The following PLPPR4 variants were observed in gnomAD, a reference collection of about 807,000 sequenced individuals.
PLPPR4 encodes phospholipid phosphatase-related protein type 4.
A neutral mutation model predicts 56.6 loss-of-function variants in PLPPR4; 24 were observed. That is an observed-to-expected ratio of 0.42 (90% confidence interval 0.31 to 0.60). The LOEUF (loss-of-function observed/expected upper bound fraction) is 0.60, where lower values mean the gene tolerates loss of function less well. Ranked by LOEUF, PLPPR4 falls within the 20% of genes least tolerant of loss-of-function variation. The probability of loss-of-function intolerance (pLI) is 0.13; values close to 1 mark genes in which losing one functional copy is unlikely to be tolerated. For synonymous variants in PLPPR4, 326 were observed against 328.1 expected, an observed-to-expected ratio of 0.99 and a Z score of 0.07; for missense variants, 654 against 885.8, an observed-to-expected ratio of 0.74 and a Z score of 3.32.
chr1:99,263,752 G>A (rs997692498), upstream of PLPPR4, among the ~76,000 whole-genome samples: 3 of 152,150 alleles, frequency 2.0e-5, no homozygotes, highest in African/African-American at 4.8e-5. Context: ...TACTGACACT[G>A]TTCTGGGGGT....
Position 99,305,826 on chromosome 1 carries a change from G to T in PLPPR4, c.964G>T (p.Ala322Ser). 6.2e-7 allele frequency: 1 copy of T among 1,614,104 alleles called. No individual in the cohort carries two copies. The highest frequency in any genetic ancestry group is 8.5e-7 in the Non-Finnish European group (1 of 1,180,026). Residue 322 changes from alanine to serine, a missense_variant, in exon 7 of 7, where the codon GCT becomes TCT. This residue lies in a region of PLPPR4 where 468 missense variants were observed against 554.3 expected (regional missense o/e 0.84). Transcript: ENST00000370185. ...AAATGGTAGCAGCAGTGATGGAATT[G>T]CTCATACAGAAGGCATCCTCAACCG... ...AKNGSSSDGI[A>S]HTEGILNRNH...
chr1:99,301,686 C>A (rs1250701727), intron 5 of PLPPR4, 38 bp from the exon 6 acceptor site: 4 of 1,457,186 alleles, frequency 2.7e-6, no homozygotes, highest in Admixed American at 4.1e-5. Context: ...ATAAAATGGC[C>A]TTTCTAACAT....
At position 99,307,070 on chromosome 1, in the gene PLPPR4, G is replaced by A. The variant is rs546078457; in HGVS notation, c.*60G>A. 842 of 1,519,412 alleles carry A rather than the reference G, an allele frequency of 5.5e-4. 3 individuals carry two copies. In the African/African-American group the frequency reaches 0.011, roughly 20 times the overall value. 94.1% of individuals were successfully genotyped at this position (1,519,412 alleles called of 1,614,324 possible). A position where few individuals can be genotyped will look rare whatever the true frequency, so the allele number is the denominator to read the frequency against. On this transcript the variant is annotated 3_prime_UTR_variant, in exon 7 of 7. Transcript: ENST00000370185. ...AAGACCATATGTTGATTCTACCTGTGTTCTGTTCCAGCGAATTGGGAAGTC... is the reference window on the plus strand; with the variant it reads ...AAGACCATATGTTGATTCTACCTGTATTCTGTTCCAGCGAATTGGGAAGTC...
Position 99,287,990 on chromosome 1 carries a change from T to C in PLPPR4, c.104T>C (p.Val35Ala). 6.2e-7 allele frequency: 1 copy of C among 1,613,556 alleles called. No homozygotes were observed. Among genetic ancestry groups the C allele is most frequent in the Non-Finnish European group, 8.5e-7 (1 of 1,179,708 alleles). The change falls in exon 2 of 7, where the codon GTT becomes GCT. Residue 35 changes from valine to alanine, a missense_variant. Around this residue, in one of 2 missense-constraint regions of PLPPR4, gnomAD observed 186 missense variants for 331.4 expected, o/e 0.56. Coordinates refer to ENST00000370185, the MANE Select transcript of PLPPR4 (RefSeq NM_014839.5). ...VELPILASSV[V>A]SLYFLELTDV... ...TTGCCTATATTGGCATCATCGGTGG[T>C]TAGCCTCTATTTCCTCGAACTCACA...
chr1:99,275,475 A>G (rs915621478), intron 1 of PLPPR4, among the ~76,000 whole-genome samples: 1 of 152,158 alleles, frequency 6.6e-6, no homozygotes, highest in African/African-American at 2.4e-5. Flanking sequence ...CTGTAGAACA[A>G]TGCAAATAGC....
At chr1:99,283,913 C>T (rs764843168) in intron 1 of PLPPR4, among the ~76,000 whole-genome samples, 5 of 151,974 alleles carry the variant, frequency 3.3e-5, no homozygotes, top group Non-Finnish European at 7.4e-5. Context: ...AATGGCACCC[C>T]TGCACTCCAG....
At chr1:99,279,566 G>A (rs752638170) in intron 1 of PLPPR4, among the ~76,000 whole-genome samples, 9 of 152,248 alleles carry the variant, frequency 5.9e-5, no homozygotes, top group South Asian at 2.1e-4. Context: ...TGTTGTTGCC[G>A]TTGAAACCCC....
rs565042849 is a variant in PLPPR4 at position 99,304,957 on chromosome 1, C to A, written c.823-728C>A. 2.5e-3 allele frequency among the ~76,000 whole-genome samples: 377 copies of A among 151,746 alleles called. 2 individuals carry two copies. Among genetic ancestry groups the A allele is most frequent in the African/African-American group, 8.9e-3 (367 of 41,418 alleles). Reference sequence around the variant, plus strand: ...TTTTGCTTCCCAAATCTAAAACAAACAAAAAAAGATACACTGTGTATGAAG... The same window carrying A: ...TTTTGCTTCCCAAATCTAAAACAAAAAAAAAAAGATACACTGTGTATGAAG... On this transcript the variant is annotated intron_variant, in intron 6 of 6. Transcript: ENST00000370185.
chr1:99,284,315 C>T (rs1242735642), intron 1 of PLPPR4, among the ~76,000 whole-genome samples: 1 of 151,722 alleles, frequency 6.6e-6, no homozygotes, highest in African/African-American at 2.4e-5. Flanking sequence ...TATGGGAACA[C>T]CATGTATAAA....
At chr1:99,297,744 G>A (rs966442898) in intron 3 of PLPPR4, among the ~76,000 whole-genome samples, 4 of 152,012 alleles carry the variant, frequency 2.6e-5, no homozygotes, top group Non-Finnish European at 5.9e-5. Flanking sequence ...CCATCACATT[G>A]AGATGATAAG....
At chr1:99,275,917 A>G (rs749929419) in intron 1 of PLPPR4, among the ~76,000 whole-genome samples, 1 of 152,136 alleles carries the variant, frequency 6.6e-6, no homozygotes, top group Non-Finnish European at 1.5e-5. Flanking sequence ...GGAGAGGGGT[A>G]TGAGGTACCT....
chr1:99,286,990 A>G (rs950016633), intron 1 of PLPPR4, among the ~76,000 whole-genome samples: 1 of 152,108 alleles, frequency 6.6e-6, no homozygotes, highest in African/African-American at 2.4e-5. Flanking sequence ...TATGTGTGCC[A>G]TAGTGGTTTG....
At chr1:99,273,267 A>G (rs1314893264) in intron 1 of PLPPR4, among the ~76,000 whole-genome samples, 2 of 152,094 alleles carry the variant, frequency 1.3e-5, no homozygotes, top group Non-Finnish European at 1.5e-5. Context: ...CTGTAACAAG[A>G]TGGTTTCTGC....
intron 4 of PLPPR4, among the ~76,000 whole-genome samples, chr1:99,299,514 G>C (rs967819845): frequency 2.6e-5 from 4 of 151,828 alleles, no homozygotes; most frequent in Admixed American, 1.3e-4. Context: ...TATGGTTTTA[G>C]GTTACTATAA....
intron 1 of PLPPR4, 26 bp downstream of exon 1, chr1:99,264,697 A>AAAGG: frequency 6.5e-7 from 1 of 1,548,100 alleles, no homozygotes; most frequent in South Asian, 1.2e-5. Context: ...GCCTTGGCAT[A>AAAGG]ATGCAGATCC....
At chr1:99,272,307 A>T (rs570540207) in intron 1 of PLPPR4, among the ~76,000 whole-genome samples, 23 of 152,192 alleles carry the variant, frequency 1.5e-4, no homozygotes, top group African/African-American at 5.1e-4. Flanking sequence ...GGACACATCA[A>T]GTATGCCAGC....
chr1:99,283,053 T>C (rs1181224665), intron 1 of PLPPR4, among the ~76,000 whole-genome samples: 2 of 150,768 alleles, frequency 1.3e-5, no homozygotes, highest in Non-Finnish European at 3.0e-5. Flanking sequence ...AATGAAATAT[T>C]CATGGGAACA....
intron 6 of PLPPR4, among the ~76,000 whole-genome samples, chr1:99,303,871 G>A (rs907004470): frequency 1.8e-4 from 27 of 152,164 alleles, no homozygotes; most frequent in African/African-American, 5.8e-4. Flanking sequence ...AGTTGGCAAT[G>A]TGCATTGCAG....
At chr1:99,294,641 A>G (rs1271961803) in intron 2 of PLPPR4, among the ~76,000 whole-genome samples, 1 of 151,152 alleles carries the variant, frequency 6.6e-6, no homozygotes, top group Non-Finnish European at 1.5e-5. Flanking sequence ...GGTTGCAGTG[A>G]GCCAAGATCA....
Sources: allele counts gnomAD v4.1 joint callset (sites outside exome capture counted in the v4.1 genomes callset), GRCh38; gene constraint gnomAD v4.1.1; regional missense constraint gnomAD v4.1.1; transcripts MANE v1.5; gene names NCBI Gene and HGNC (gene_info 2026-07-23, HGNC 2026-07-21).